The following SYN3 variants were observed in gnomAD, a reference collection of about 807,000 sequenced individuals.
SYN3 encodes the protein synapsin-3.
A neutral mutation model predicts 65.8 loss-of-function variants in SYN3; 35 were observed. That is an observed-to-expected ratio of 0.53 (90% CI 0.41 to 0.70). The LOEUF (loss-of-function observed/expected upper bound fraction) is 0.70. SYN3 is among the 30% of genes least tolerant of loss of function. The pLI is 0.00. For synonymous variants in SYN3, 270 were observed against 292.9 expected (o/e 0.92, Z 0.80); for missense variants, 680 against 749.0 (o/e 0.91, Z 1.08).
chr22:32,892,121 C>G (rs1350229270), intron 4 of SYN3, among the ~76,000 whole-genome samples: 1 of 151,718 alleles, frequency 6.6e-6, no homozygotes, highest in Non-Finnish European at 1.5e-5. Flanking sequence ...GGTGAAACCC[C>G]ATCTCTAATA....
intron 10 of SYN3, among the ~76,000 whole-genome samples, chr22:32,532,689 C>A (rs2058096937): frequency 6.6e-6 from 1 of 152,178 alleles, no homozygotes; most frequent in Non-Finnish European, 1.5e-5. Context: ...CCTGGTCCTG[C>A]TTGGCCGTGG....
At chr22:32,822,077 C>T (rs1053435368) in intron 6 of SYN3, among the ~76,000 whole-genome samples, 2 of 151,450 alleles carry the variant, frequency 1.3e-5, no homozygotes, top group African/African-American at 4.9e-5. Context: ...ATTGCTTGAA[C>T]CTGGGAGGCA....
At chr22:32,649,341 C>T (rs969238463) in intron 6 of SYN3, among the ~76,000 whole-genome samples, 1 of 152,092 alleles carries the variant, frequency 6.6e-6, no homozygotes, top group Non-Finnish European at 1.5e-5. Flanking sequence ...TTTAAGCCGC[C>T]GAGCTTTGGG....
At position 32,802,065 on chromosome 22, in the gene SYN3, G is replaced by C. The variant is rs534982903; in HGVS notation, c.711+62850C>G. 81 of 1,577,296 alleles carry C rather than the reference G, an allele frequency of 5.1e-5. 3 individuals carry two copies. The South Asian group carries it at 9.1e-4, about 18-fold the overall frequency. ...CTGGAGCCTGGGGGACTGGGGCGCC[G>C]AGGCGTGCACATGCTCGCCCAGCCA... On this transcript the variant is annotated intron_variant, in intron 6 of 13. Transcript: ENST00000358763.
At chr22:32,749,615 TG>T (rs1219947905) in intron 6 of SYN3, among the ~76,000 whole-genome samples, 1 of 152,122 alleles carries the variant, frequency 6.6e-6, no homozygotes, top group Non-Finnish European at 1.5e-5. Context: ...CACTCCAGCC[TG>T]GGTGACAGAA....
chr22:32,948,118 C>G (rs891267427), intron 3 of SYN3, among the ~76,000 whole-genome samples: 1 of 152,206 alleles, frequency 6.6e-6, no homozygotes, highest in Non-Finnish European at 1.5e-5. Context: ...TTATTGACTT[C>G]TTGTCTGCCA....
At chr22:32,869,664 G>C (rs1445383052) in intron 4 of SYN3, among the ~76,000 whole-genome samples, 1 of 144,674 alleles carries the variant, frequency 6.9e-6, no homozygotes, top group Non-Finnish European at 1.5e-5. Flanking sequence ...TGTTCCTGCA[G>C]ATCTCAAATC....
At chr22:32,937,882 A>C (rs1174448329) in intron 3 of SYN3, among the ~76,000 whole-genome samples, 2 of 152,200 alleles carry the variant, frequency 1.3e-5, no homozygotes, top group Non-Finnish European at 2.9e-5. Context: ...AACCTCAGTG[A>C]GTTATGGGAT....
chr22:32,547,722 G>A (rs1264027362), intron 7 of SYN3, among the ~76,000 whole-genome samples: 1 of 152,206 alleles, frequency 6.6e-6, no homozygotes, highest in African/African-American at 2.4e-5. Context: ...TCTTCTGAAT[G>A]GGTTTTGGCT....
In SYN3 at chr22:32,855,903, A is replaced by C. The variant is rs190494016; in HGVS notation, c.711+9012T>G. Among the ~76,000 whole-genome samples, 4 of 152,234 alleles carry C rather than the reference A, an allele frequency of 2.6e-5. No homozygotes were observed. In the East Asian group the frequency reaches 7.7e-4, roughly 29 times the overall value. On this transcript the variant is annotated intron_variant, in intron 6 of 13. Transcript: ENST00000358763. Reference sequence around the variant, plus strand: ...ACGTGGTTCAATCTAACAATTATAAAGTATTTAACAGTTAAAACTCTTTGA... The same window carrying C: ...ACGTGGTTCAATCTAACAATTATAACGTATTTAACAGTTAAAACTCTTTGA...
intron 3 of SYN3, among the ~76,000 whole-genome samples, chr22:32,959,747 A>C (rs1569358206): frequency 2.6e-5 from 4 of 152,018 alleles, no homozygotes; most frequent in Admixed American, 2.6e-4. Context: ...GGCGTGTGCC[A>C]CAATGCCTGG....
intron 7 of SYN3, among the ~76,000 whole-genome samples, chr22:32,585,796 T>C (rs2059014303): frequency 6.6e-6 from 1 of 152,074 alleles, no homozygotes; most frequent in South Asian, 2.1e-4. Context: ...GCATTTTAGC[T>C]TTCAAAGGCA....
chr22:32,813,516 C>CACAT (rs1184591549), intron 6 of SYN3, among the ~76,000 whole-genome samples: 28 of 147,438 alleles, frequency 1.9e-4, no homozygotes, highest in African/African-American at 5.9e-4. Flanking sequence ...CACACACACA[C>CACAT]ACACACACAC....
intron 6 of SYN3, among the ~76,000 whole-genome samples, chr22:32,626,291 G>C (rs1224941055): frequency 1.3e-5 from 2 of 152,098 alleles, no homozygotes; most frequent in African/African-American, 2.4e-5. Flanking sequence ...TCTGGGCAGG[G>C]GCACACTCAG....
In SYN3 at chr22:32,859,293, C is replaced by T. The variant is rs1205141145; in HGVS notation, c.711+5622G>A. 2 of 1,614,096 alleles carry T rather than the reference C, an allele frequency of 1.2e-6. No individual in the cohort carries two copies. The highest frequency in any genetic ancestry group is 8.5e-7 in the Non-Finnish European group (1 of 1,180,048). ...GCTACCAGTCCAAACACTACGCCTG[C>T]ATCCGGCAGAAGGGCGGCTACTGCA... On this transcript the variant is annotated intron_variant, in intron 6 of 13. Coordinates refer to ENST00000358763, the MANE Select transcript of SYN3 (RefSeq NM_003490.4).
intron 7 of SYN3, among the ~76,000 whole-genome samples, chr22:32,544,059 C>T (rs1381921531): frequency 2.0e-5 from 3 of 152,166 alleles, no homozygotes; most frequent in Admixed American, 6.5e-5. Flanking sequence ...CTGCCTCAGC[C>T]GGCCGAGTAG....
At chr22:32,623,801 C>T (rs2059627999) in intron 6 of SYN3, among the ~76,000 whole-genome samples, 1 of 152,168 alleles carries the variant, frequency 6.6e-6, no homozygotes, top group Non-Finnish European at 1.5e-5. Context: ...TAAGAGGGGA[C>T]TTGGGTCCAG....
chr22:32,868,758 A>G (rs1211245313), intron 5 of SYN3, among the ~76,000 whole-genome samples: 1 of 151,996 alleles, frequency 6.6e-6, no homozygotes, highest in Non-Finnish European at 1.5e-5. Context: ...GCCTATAAAT[A>G]TTTACCATAA....
intron 1 of SYN3, among the ~76,000 whole-genome samples, chr22:33,027,094 G>C (rs866713916): frequency 3.9e-5 from 6 of 152,186 alleles, no homozygotes; most frequent in Middle Eastern, 3.4e-3. Flanking sequence ...ACAGACTTGA[G>C]AGTTGATGTG....
Sources: gnomAD v4.1 joint callset for allele counts (sites outside exome capture counted in the v4.1 genomes callset) on GRCh38, gnomAD v4.1.1 for gene constraint, MANE v1.5 for transcripts, NCBI Gene and HGNC (gene_info 2026-07-23, HGNC 2026-07-21) for gene names.